NTN1: variants seen among roughly 807,000 people sequenced by gnomAD.
The protein encoded by NTN1 is netrin-1.
A neutral mutation model predicts 54.2 loss-of-function variants in NTN1; 11 were observed. That is an observed-to-expected ratio of 0.20 (90% CI 0.13 to 0.34). The LOEUF is 0.34. NTN1 is among the 10% of genes least tolerant of loss of function. The probability of loss-of-function intolerance (pLI) is 1.00; values close to 1 mark genes in which losing one functional copy is unlikely to be tolerated. For missense variants in NTN1, 740 were observed against 893.1 expected (o/e 0.83, Z 2.18); for synonymous variants, 371 against 382.0 (o/e 0.97, Z 0.33).
rs377128539 is a variant in NTN1 at position 9,239,743 on chromosome 17, C to T, written c.1590C>T (p.Arg530=). 2.5e-6 allele frequency: 4 copies of T among 1,613,684 alleles called. No homozygotes were observed. The highest frequency in any genetic ancestry group is 2.7e-5 in the African/African-American group (2 of 74,924). Reference sequence around the variant, plus strand: ...AGCAGGGCACGAGCCGCATCCGCCGCGGTGACCAGAGCCTGTGGATCCGCT... The same window carrying T: ...AGCAGGGCACGAGCCGCATCCGCCGTGGTGACCAGAGCCTGTGGATCCGCT... ...VYKQGTSRIR[R]GDQSLWIRSR... Residue 530 remains arginine, a synonymous_variant, in exon 7 of 7, where the codon CGC becomes CGT. Coordinates refer to ENST00000173229, the MANE Select transcript of NTN1 (RefSeq NM_004822.3). The surrounding 1 kb of genome is among the most constrained non-coding windows in gnomAD (Gnocchi z 5.2).
intron 2 of NTN1, among the ~76,000 whole-genome samples, chr17:9,151,805 C>G (rs113836443): frequency 0.038 from 5,830 of 152,198 alleles, 372 homozygotes; most frequent in African/African-American, 0.13. Flanking sequence ...GTCTGTCTTA[C>G]AAGAGGATTG....
chr17:9,213,196 T>TG lies in NTN1; in HGVS notation c.1412-7970dup, dbSNP rs543351235. Among the ~76,000 whole-genome samples the TG allele has an allele frequency of 8.9e-4, 136 of 152,282 alleles. No individual in the cohort carries two copies. In the Middle Eastern group the frequency reaches 0.014, roughly 15 times the overall value. ...ATGGGCCTGCTGCGAGCCAGGCAGA[T>TG]GGTGGCCTCCAGGTCTCAGTGGCTC... On this transcript the variant is annotated intron_variant, in intron 5 of 6. Coordinates refer to ENST00000173229, the MANE Select transcript of NTN1 (RefSeq NM_004822.3).
chr17:9,072,285 T>C (rs1186664991), intron 2 of NTN1, among the ~76,000 whole-genome samples: 1 of 150,410 alleles, frequency 6.6e-6, no homozygotes, highest in African/African-American at 2.5e-5. Context: ...ACCACACCCG[T>C]GGACTGTCTG....
At chr17:9,018,191 G>A (rs1181946809), upstream of NTN1, among the ~76,000 whole-genome samples, 1 of 152,074 alleles carries the variant, frequency 6.6e-6, no homozygotes, top group Non-Finnish European at 1.5e-5. Flanking sequence ...GATAAGCGTA[G>A]ACCTAAGTGA....
At chr17:9,054,546 TC>T (rs2091972219) in intron 2 of NTN1, among the ~76,000 whole-genome samples, 1 of 152,082 alleles carries the variant, frequency 6.6e-6, no homozygotes, top group Non-Finnish European at 1.5e-5. Flanking sequence ...TGAAAAAGTT[TC>T]CCCCATACAG....
intron 2 of NTN1, among the ~76,000 whole-genome samples, chr17:9,073,819 A>G (rs915725373): frequency 2.2e-4 from 33 of 152,156 alleles, no homozygotes; most frequent in African/African-American, 8.0e-4. Context: ...TGAATGTGGT[A>G]TTCTCTTCGT....
intron 2 of NTN1, among the ~76,000 whole-genome samples, chr17:9,090,280 A>C (rs1470636410): frequency 6.7e-6 from 1 of 150,218 alleles, no homozygotes; most frequent in Non-Finnish European, 1.5e-5. Context: ...GATTCAAGCG[A>C]TTGTCTTGCC....
At chr17:9,114,014 T>C (rs767845747) in intron 2 of NTN1, among the ~76,000 whole-genome samples, 1 of 150,710 alleles carries the variant, frequency 6.6e-6, no homozygotes, top group Non-Finnish European at 1.5e-5. Flanking sequence ...ATACAAAAAT[T>C]AGCCGGGCAT....
At chr17:9,177,879 A>G (rs544446274) in intron 3 of NTN1, 2 of 152,380 alleles carry the variant, frequency 1.3e-5, no homozygotes, top group South Asian at 4.1e-4. Flanking sequence ...GGTACATCTA[A>G]GAAGACAATT....
At chr17:9,200,147 C>T (rs549709818) in intron 5 of NTN1, among the ~76,000 whole-genome samples, 47 of 152,376 alleles carry the variant, frequency 3.1e-4, no homozygotes, top group African/African-American at 1.0e-3. Context: ...CTGCTCAGCT[C>T]AGCTGAATCA....
rs749121303 is a variant in NTN1, at chr17:9,206,936, C to T, written c.1412-14232C>T. Among the ~76,000 whole-genome samples, 6 of 152,134 alleles carry T rather than the reference C, an allele frequency of 3.9e-5. No homozygotes were observed. The East Asian group carries it at 7.7e-4, about 20-fold the overall frequency. On this transcript the variant is annotated intron_variant, in intron 5 of 6. Transcript: ENST00000173229. ...CCAAAATTGCCTTTTTCTGCCCTTC[C>T]GATTCCTGCTTGGAGCCTTTACTTT...
chr17:9,055,635 G>A (rs931656246), intron 2 of NTN1, among the ~76,000 whole-genome samples: 1 of 152,186 alleles, frequency 6.6e-6, no homozygotes, highest in Non-Finnish European at 1.5e-5. Flanking sequence ...ACAGAGCAAA[G>A]GCCAGTGTGG....
Position 9,022,412 on chromosome 17 carries a change from G to A in NTN1, c.39G>A (p.Ala13=). The part of the protein sequence containing the change: ...RAVWEALAAL[A]AVACLVGAVR... The stretch of plus-strand genomic sequence containing the variant: ...TGTGGGAGGCGCTGGCGGCGCTGGC[G>A]GCGGTGGCGTGCCTGGTGGGCGCGG... The change falls in exon 2 of 7, where the codon GCG becomes GCA. Residue 13 remains alanine, a synonymous_variant. Transcript: ENST00000173229. 7.5e-7 allele frequency: 1 copy of A among 1,340,494 alleles called. No individual in the cohort carries two copies. Among genetic ancestry groups the A allele is most frequent in the Non-Finnish European group, 9.5e-7 (1 of 1,056,788 alleles). The allele number at this position is 1,340,494 out of a possible 1,614,324, so 83.0% of individuals were successfully genotyped here. A position where few individuals can be genotyped will look rare whatever the true frequency, so the allele number is the denominator to read the frequency against.
chr17:9,154,621 A>G (rs1489988928), intron 2 of NTN1, among the ~76,000 whole-genome samples: 4 of 152,098 alleles, frequency 2.6e-5, no homozygotes, highest in Non-Finnish European at 5.9e-5. Context: ...CCACCCAGCC[A>G]TTTCAGGAGA....
At chr17:9,184,725 C>T (rs1408685257) in intron 5 of NTN1, among the ~76,000 whole-genome samples, 1 of 152,176 alleles carries the variant, frequency 6.6e-6, no homozygotes, top group Non-Finnish European at 1.5e-5. Flanking sequence ...CTCACAAACC[C>T]ACAAACCCTT....
At chr17:9,013,299 C>T in the NTN1 span, among the ~76,000 whole-genome samples, 4 of 150,282 alleles carry the variant, frequency 2.7e-5, no homozygotes, top group African/African-American at 9.8e-5. Flanking sequence ...TCACTGCAAC[C>T]TCCGCCTCCC....
chr17:9,053,134 C>T (rs761155573), intron 2 of NTN1, among the ~76,000 whole-genome samples: 6 of 152,202 alleles, frequency 3.9e-5, no homozygotes, highest in Non-Finnish European at 5.9e-5. Flanking sequence ...AACACAGCCA[C>T]GCCCATTTGT....
intron 6 of NTN1, among the ~76,000 whole-genome samples, chr17:9,226,161 T>TGGGGGGGG (rs148213778): frequency 4.2e-4 from 50 of 118,028 alleles, no homozygotes; most frequent in African/African-American, 5.9e-4. Flanking sequence ...GGATTTGGGG[T>TGGGGGGGG]CGGGGGGGGG....
intron 3 of NTN1, among the ~76,000 whole-genome samples, chr17:9,167,235 C>T (rs1277051073): frequency 1.3e-5 from 2 of 152,156 alleles, no homozygotes; most frequent in African/African-American, 4.8e-5. Context: ...GAATGATACT[C>T]GTCTTGGAGT....
Sources: allele counts gnomAD v4.1 joint callset (sites outside exome capture counted in the v4.1 genomes callset), GRCh38; gene constraint gnomAD v4.1.1; non-coding constraint Gnocchi (gnomAD v3.1); transcripts MANE v1.5; gene names NCBI Gene and HGNC (gene_info 2026-07-23, HGNC 2026-07-21).